Variants in SPTBN5 observed in about 807,000 individuals in gnomAD.
The protein encoded by SPTBN5 is spectrin beta chain, non-erythrocytic 5.
Under a neutral mutation model 477.6 loss-of-function variants are expected in SPTBN5, and 513 were observed. The observed-to-expected ratio is 1.07, with a 90% CI of 1.00 to 1.16. The LOEUF is 1.16. SPTBN5 is among the 50% of genes most tolerant of loss of function. The pLI, the probability that SPTBN5 is intolerant of heterozygous loss-of-function variation, is 0.00. For missense variants in SPTBN5, 5,062 were observed against 4,731.8 expected, an observed-to-expected ratio of 1.07 and a Z score of -2.05; for synonymous variants, 2,169 against 2,011.7, an observed-to-expected ratio of 1.08 and a Z score of -2.09.
At chr15:41,868,040 G>A (rs2066392631) in intron 34 of SPTBN5, 29 bp downstream of exon 34, 1 of 1,580,880 alleles carries the variant, frequency 6.3e-7, no homozygotes, top group African/African-American at 1.3e-5. Context: ...AGGAGGCTGA[G>A]CGGAGTGTGA....
rs368426047 is a variant in SPTBN5 at position 41,873,563 on chromosome 15, G to A, written c.4936C>T (p.Arg1646Trp). 21 of 1,552,060 alleles carry A rather than the reference G, an allele frequency of 1.4e-5. No homozygotes were observed. Among genetic ancestry groups the A allele is most frequent in the South Asian group, 3.6e-5 (3 of 84,078 alleles). The change falls in exon 26 of 68, where the codon CGG becomes TGG. Residue 1646 changes from arginine (R) to tryptophan (W), a missense_variant. Physicochemically the swap from Arg to Trp is moderately radical, Grantham distance 101. Coordinates refer to ENST00000320955, the MANE Select transcript of SPTBN5 (RefSeq NM_016642.4). ...TAGTCCCGACTGCTCACCAGCGGCC[G>A]CTTCTCCTCCACCCAGCCCTCCAGC... is the stretch of plus-strand genomic sequence containing the variant. ...SELEGWVEEK[R>W]PLVSSRDYGR...
In SPTBN5 at chr15:41,874,964, C is replaced by T. The variant is rs919998709; in HGVS notation, c.4380G>A (p.Arg1460=). Residue 1460 remains arginine (R), a synonymous_variant, in exon 23 of 68, where the codon CGG becomes CGA. Coordinates refer to ENST00000320955, the MANE Select transcript of SPTBN5 (RefSeq NM_016642.4). The part of the protein sequence containing the change: ...DLRSSQRLQK[R]HQQLESESRT... ...GGCTCTCACTCTCCAGCTGTTGGTG[C>T]CGTTTCTGCAGCCTCTGGCTGGAGC... 123 of 1,613,602 alleles carry T rather than the reference C, an allele frequency of 7.6e-5. No individual in the cohort carries two copies. Among genetic ancestry groups the T allele is most frequent in the Non-Finnish European group, 9.7e-5 (115 of 1,179,896 alleles).
At position 41,866,069 on chromosome 15, in the gene SPTBN5, ACT is replaced by A. The variant is rs767449942; in HGVS notation, c.6789_6790del (p.Arg2263SerfsTer19). 138 of 1,555,864 alleles carry A rather than the reference ACT, an allele frequency of 8.9e-5. 2 individuals are homozygous for A. The South Asian group carries it at 1.6e-3, about 18-fold the overall frequency. On this transcript the variant is annotated frameshift_variant, in exon 38 of 68. Coordinates refer to ENST00000320955, the MANE Select transcript of SPTBN5 (RefSeq NM_016642.4). LOFTEE classifies it high-confidence loss of function. ...CTGGATCCAGGCCTCTGCAAGGTCC[ACT>A]CTCTGCAGGAACTCCAGGAAGTTCC...
intron 66 of SPTBN5, 48 bp downstream of exon 66, chr15:41,850,806 G>T: frequency 1.3e-6 from 2 of 1,509,294 alleles, no homozygotes; most frequent in Non-Finnish European, 1.8e-6. Flanking sequence ...AGGAGCTTGG[G>T]GCCCAGGGAG....
chr15:41,878,460 C>G lies in SPTBN5; in HGVS notation c.3352G>C (p.Ala1118Pro), dbSNP rs747539042. Residue 1118 changes from alanine (A) to proline (P), a missense_variant, in exon 17 of 68, where the codon GCA (alanine) becomes CCA (proline). Coordinates refer to ENST00000320955, the MANE Select transcript of SPTBN5 (RefSeq NM_016642.4). ...LQESQQLLLW[A>P]ESVQAQLRSK... ...CGCAGCTGAGCCTGGACACTCTCTG[C>G]CCACAGTAGCAGTTGCTGGCTCTCT... is the stretch of plus-strand genomic sequence containing the variant. 5 of 1,613,630 alleles carry G rather than the reference C, an allele frequency of 3.1e-6. No individual in the cohort carries two copies. Among genetic ancestry groups the G allele is most frequent in the Non-Finnish European group, 4.2e-6 (5 of 1,179,878 alleles).
At position 41,860,136 on chromosome 15, in the gene SPTBN5, T is replaced by C. The variant is rs1432673159; in HGVS notation, c.7988+450A>G. ...TAGCCTGCCTGTGGGGCCAGCACAGTGCTTTCGTCCTCATCACAGCCGTTA... is the reference window on the plus strand; with the variant it reads ...TAGCCTGCCTGTGGGGCCAGCACAGCGCTTTCGTCCTCATCACAGCCGTTA... On this transcript the variant is annotated intron_variant, in intron 47 of 67. Transcript: ENST00000320955. Among the ~76,000 whole-genome samples the C allele has an allele frequency of 3.3e-5, 5 of 152,248 alleles. No homozygotes were observed. The East Asian group carries it at 9.7e-4, about 29-fold the overall frequency.
chr15:41,850,617 G>A, intron 66 of SPTBN5: 1 of 553,284 alleles, frequency 1.8e-6, no homozygotes. Flanking sequence ...ACAGGACCAG[G>A]ACACAGCTGG....
Position 41,879,820 on chromosome 15 carries a change from C to A in SPTBN5, c.2856G>T (p.Glu952Asp). ...TCAGTTGCTCAGCAGAGCTGCTGAC[C>A]TCAGCCCAGAGGCCCTTTCCCACAG... Reference protein sequence around the residue: ...ALAVGKGLWAEVSSSAEQLRQ... With the variant: ...ALAVGKGLWADVSSSAEQLRQ... The change falls in exon 15 of 68, where the codon GAG becomes GAT. Residue 952 changes from glutamate to aspartate, a missense_variant. By Grantham distance (45) the Glu-to-Asp change is conservative (BLOSUM62 2). Transcript: ENST00000320955. 1 of 1,613,986 alleles carries A rather than the reference C, an allele frequency of 6.2e-7. No homozygotes were observed. The highest frequency in any genetic ancestry group is 1.7e-5 in the Admixed American group (1 of 60,034).
intron 39 of SPTBN5, among the ~76,000 whole-genome samples, chr15:41,864,894 A>G (rs553088449): frequency 2.6e-5 from 4 of 152,366 alleles, no homozygotes; most frequent in African/African-American, 9.6e-5. Context: ...TTTGCAAGGT[A>G]GGCAGGGAAG....
At chr15:41,878,874 C>T (rs772829181) in intron 16 of SPTBN5, among the ~76,000 whole-genome samples, 13 of 152,064 alleles carry the variant, frequency 8.5e-5, no homozygotes, top group Non-Finnish European at 1.5e-4. Context: ...GAGACCATCC[C>T]GGCTAAAACG....
rs2065774487 is a variant in SPTBN5, at chr15:41,851,823, C to A, written c.10612G>T (p.Gly3538Trp). 1 of 1,610,932 alleles carries A rather than the reference C, an allele frequency of 6.2e-7. No homozygotes were observed. Among genetic ancestry groups the A allele is most frequent in the African/African-American group, 1.3e-5 (1 of 74,954 alleles). Reference sequence around the variant, plus strand: ...AGGTGCTGCTTGAACTCCAAAGACCCCTCCATGGTGGGGGTACCCTTTGCA... The same window carrying A: ...AGGTGCTGCTTGAACTCCAAAGACCACTCCATGGTGGGGGTACCCTTTGCA... The part of the protein sequence containing the change: ...QDAKGTPTME[G>W]SLEFKQHLLP... The change falls in exon 63 of 68, where the codon GGG (glycine) becomes TGG (tryptophan). Residue 3538 changes from glycine (G) to tryptophan (W), a missense_variant. Transcript: ENST00000320955.
rs770566981 is a variant in SPTBN5, at chr15:41,890,152, G to A, written c.438C>T (p.Leu146=). The change falls in exon 4 of 68, where the codon CTC becomes CTT. Residue 146 remains leucine (L), a synonymous_variant. Coordinates refer to ENST00000320955, the MANE Select transcript of SPTBN5 (RefSeq NM_016642.4). ...PENIVDGDQT[L]ILGLIWVIIL... ...TGATGACCCAGATGAGTCCCAGGAT[G>A]AGTGTCTGGTCTCCGTCCACGATGT... 2.9e-5 allele frequency: 47 copies of A among 1,613,294 alleles called. No individual in the cohort carries two copies. Among genetic ancestry groups the A allele is most frequent in the Non-Finnish European group, 3.7e-5 (44 of 1,179,690 alleles).
At chr15:41,853,984 A>G in intron 57 of SPTBN5, 66 bp downstream of exon 57, 2 of 1,497,840 alleles carry the variant, frequency 1.3e-6, no homozygotes, top group Non-Finnish European at 1.8e-6. Context: ...GGGCTGAGAT[A>G]GGTCCCCTCA....
rs370309094 is a variant in SPTBN5 at position 41,890,097 on chromosome 15, A to G, written c.493T>C (p.Leu165=). ...TGGGGACTGAGCCATACCTTGTCCA[A>G]GGAGATGTGGGAGATCTGGAAACGC... ...ILRFQISHIS[L]DKEEFGASAA... The change falls in exon 4 of 68, where the codon TTG becomes CTG. Residue 165 remains leucine (L), a synonymous_variant. Transcript: ENST00000320955. 3 of 1,609,658 alleles carry G rather than the reference A, an allele frequency of 1.9e-6. No homozygotes were observed. In the African/African-American group the frequency reaches 4.0e-5, roughly 22 times the overall value.
chr15:41,872,671 G>C (rs186058561), intron 26 of SPTBN5, among the ~76,000 whole-genome samples: 1 of 152,266 alleles, frequency 6.6e-6, no homozygotes, highest in Admixed American at 6.5e-5. Flanking sequence ...TGAACACCTG[G>C]TCTGTGCCCA....
intron 66 of SPTBN5, chr15:41,850,369 G>A (rs896528350): frequency 2.9e-5 from 7 of 241,334 alleles, no homozygotes; most frequent in Admixed American, 2.0e-4. Flanking sequence ...CGCTGACCAC[G>A]GAAGAAAGTC....
At position 41,876,900 on chromosome 15, in the gene SPTBN5, C is replaced by A; in HGVS notation, c.3760G>T (p.Gly1254Trp). The change falls in exon 19 of 68, where the codon GGG becomes TGG. Residue 1254 changes from glycine (G) to tryptophan (W), a missense_variant. Gly to Trp is a radical substitution (Grantham distance 184). Coordinates refer to ENST00000320955, the MANE Select transcript of SPTBN5 (RefSeq NM_016642.4). ...GGCCCCAGGGTGCTCAGGAGCCGCC[C>A]AAACTCCCGGTGCTGCTGCAGCAGG... is the stretch of plus-strand genomic sequence containing the variant. ...LSLLQQHREF[G>W]RLLSTLGPRA... 1 of 1,610,412 alleles carries A rather than the reference C, an allele frequency of 6.2e-7. No individual in the cohort carries two copies. The highest frequency in any genetic ancestry group is 1.1e-5 in the South Asian group (1 of 90,900).
At chr15:41,890,375 A>C (rs1252235733) in intron 3 of SPTBN5, among the ~76,000 whole-genome samples, 170 bp from the exon 4 acceptor site, 3 of 152,334 alleles carry the variant, frequency 2.0e-5, no homozygotes, top group African/African-American at 7.2e-5. Context: ...AGGAAAGCAA[A>C]GGCTTCCTGC....
chr15:41,854,282 T>C, intron 56 of SPTBN5, 77 bp from the exon 57 acceptor site: 1 of 1,498,164 alleles, frequency 6.7e-7, no homozygotes, highest in Non-Finnish European at 9.0e-7. Context: ...CATGGCCTTC[T>C]GGGCCACCTC....
Sources: gnomAD v4.1 joint callset for allele counts (sites outside exome capture counted in the v4.1 genomes callset) on GRCh38, gnomAD v4.1.1 for gene constraint, MANE v1.5 for transcripts, NCBI Gene and HGNC (gene_info 2026-07-23, HGNC 2026-07-21) for gene names.